The following NREP variants were observed in gnomAD, a reference collection of about 807,000 sequenced individuals.
The protein encoded by NREP is neuronal regeneration-related protein.
A neutral mutation model predicts 8.6 loss-of-function variants in NREP; 5 were observed. That is an observed-to-expected ratio of 0.58 (90% confidence interval 0.30 to 1.22). The LOEUF (loss-of-function observed/expected upper bound fraction) is 1.22. Among genes scored for constraint, NREP ranks in the 50% most tolerant of loss-of-function variants. The probability of loss-of-function intolerance (pLI) is 0.07; values close to 1 mark genes in which losing one functional copy is unlikely to be tolerated. For synonymous variants in NREP, 27 were observed against 28.0 expected, an observed-to-expected ratio of 0.96 and a Z score of 0.11; for missense variants, 86 against 82.5, an observed-to-expected ratio of 1.04 and a Z score of -0.17.
intron 2 of NREP, among the ~76,000 whole-genome samples, chr5:111,798,023 T>C (rs1751912173): frequency 6.6e-6 from 1 of 152,190 alleles, no homozygotes; most frequent in Non-Finnish European, 1.5e-5. Flanking sequence ...TTGGGGACTT[T>C]ACACTAAGCA....
intron 2 of NREP, among the ~76,000 whole-genome samples, chr5:111,914,261 A>G (rs146991244): frequency 0.01 from 1,543 of 152,274 alleles, 11 homozygotes; most frequent in Middle Eastern, 0.071. Context: ...AATTTATTCA[A>G]AGACCTATGC....
chr5:111,765,627 G>C (rs1025074992), intron 2 of NREP, among the ~76,000 whole-genome samples: 1 of 152,222 alleles, frequency 6.6e-6, no homozygotes, highest in Admixed American at 6.5e-5. Context: ...AACCCAAGAA[G>C]TTTGGCTCCA....
intron 2 of NREP, among the ~76,000 whole-genome samples, chr5:111,858,746 A>C (rs1025735443): frequency 1.3e-5 from 2 of 152,168 alleles, no homozygotes; most frequent in Non-Finnish European, 2.9e-5. Flanking sequence ...TAAATATCTT[A>C]CCCCAAATCA....
chr5:111,916,129 A>G (rs1755050724), intron 2 of NREP, among the ~76,000 whole-genome samples: 1 of 152,096 alleles, frequency 6.6e-6, no homozygotes, highest in South Asian at 2.1e-4. Flanking sequence ...GCTGATTCAT[A>G]TCATATGAGA....
chr5:111,886,522 C>G (rs1041365430), intron 2 of NREP, among the ~76,000 whole-genome samples: 17 of 151,560 alleles, frequency 1.1e-4, no homozygotes, highest in Non-Finnish European at 1.9e-4. Context: ...CACATGCACA[C>G]GTATGTTTAT....
chr5:111,786,798 T>C (rs1751622912), intron 2 of NREP, among the ~76,000 whole-genome samples: 1 of 152,186 alleles, frequency 6.6e-6, no homozygotes, highest in South Asian at 2.1e-4. Context: ...CAGAATTTTG[T>C]ATATTGGGGT....
intron 2 of NREP, among the ~76,000 whole-genome samples, chr5:111,910,007 T>C (rs1754870074): frequency 6.6e-6 from 1 of 152,098 alleles, no homozygotes; most frequent in Non-Finnish European, 1.5e-5. Context: ...AAGACTGACT[T>C]GATTAGTAAG....
chr5:111,908,631 A>G (rs1176094002), intron 2 of NREP, among the ~76,000 whole-genome samples: 2 of 151,464 alleles, frequency 1.3e-5, no homozygotes, highest in African/African-American at 4.9e-5. Context: ...GCTGCATAGT[A>G]TTTCATGTTG....
At chr5:111,798,945 G>A (rs1272186931) in intron 2 of NREP, among the ~76,000 whole-genome samples, 1 of 152,166 alleles carries the variant, frequency 6.6e-6, no homozygotes, top group African/African-American at 2.4e-5. Flanking sequence ...ATACCTAGCA[G>A]TGGGATTGCT....
At chr5:111,885,797 C>T (rs1332474827) in intron 2 of NREP, among the ~76,000 whole-genome samples, 1 of 152,170 alleles carries the variant, frequency 6.6e-6, no homozygotes, top group Non-Finnish European at 1.5e-5. Flanking sequence ...GGATCCTTTC[C>T]TTCCACCTTA....
At chr5:111,863,649 G>A (rs750072498) in intron 2 of NREP, among the ~76,000 whole-genome samples, 3 of 151,424 alleles carry the variant, frequency 2.0e-5, no homozygotes, top group Admixed American at 6.6e-5. Flanking sequence ...AGCTATGAGA[G>A]TGTAGTATCA....
chr5:111,809,960 C>T (rs1752234613), intron 2 of NREP, among the ~76,000 whole-genome samples: 1 of 150,230 alleles, frequency 6.7e-6, no homozygotes, highest in African/African-American at 2.5e-5. Context: ...TCTAGACTAG[C>T]TAGATTCTGT....
At chr5:111,817,809 A>AG (rs1171722930) in intron 2 of NREP, among the ~76,000 whole-genome samples, 1 of 151,144 alleles carries the variant, frequency 6.6e-6, no homozygotes, top group African/African-American at 2.4e-5. Flanking sequence ...CATCTCAAAA[A>AG]AAAAAAAAAA....
At chr5:111,931,364 C>A (rs1755532184) in intron 2 of NREP, among the ~76,000 whole-genome samples, 1 of 152,106 alleles carries the variant, frequency 6.6e-6, no homozygotes, top group South Asian at 2.1e-4. Flanking sequence ...ATTACCCAGA[C>A]TGGTTGAAGC....
At chr5:111,887,749 G>T (rs1030736241) in intron 2 of NREP, among the ~76,000 whole-genome samples, 1 of 152,148 alleles carries the variant, frequency 6.6e-6, no homozygotes. Context: ...AAGTGCTGAC[G>T]TGTCCATGGG....
intron 2 of NREP, among the ~76,000 whole-genome samples, chr5:111,837,866 G>A (rs531718989): frequency 8.5e-5 from 13 of 152,126 alleles, no homozygotes; most frequent in African/African-American, 2.6e-4. Flanking sequence ...TCAGAGGGTC[G>A]TCACCTCATT....
At chr5:111,839,832 T>C (rs1175405552) in intron 2 of NREP, among the ~76,000 whole-genome samples, 3 of 152,236 alleles carry the variant, frequency 2.0e-5, no homozygotes, top group African/African-American at 7.2e-5. Flanking sequence ...TACAAAGCCC[T>C]TTCACATATA....
At chr5:111,908,081 T>C (rs902365436) in intron 2 of NREP, among the ~76,000 whole-genome samples, 3 of 152,032 alleles carry the variant, frequency 2.0e-5, no homozygotes, top group Non-Finnish European at 4.4e-5. Context: ...TGGTAAAAAT[T>C]AGTAAATGAC....
chr5:111,956,315 G>C (rs184805723), intron 2 of NREP, among the ~76,000 whole-genome samples: 13 of 151,788 alleles, frequency 8.6e-5, no homozygotes, highest in Non-Finnish European at 1.6e-4. Flanking sequence ...AAACAATAAG[G>C]GGATTTTAAA....
Sources: gnomAD v4.1 joint callset for allele counts (sites outside exome capture counted in the v4.1 genomes callset) on GRCh38, gnomAD v4.1.1 for gene constraint, MANE v1.5 for transcripts, NCBI Gene and HGNC (gene_info 2026-07-23, HGNC 2026-07-21) for gene names.